Variants in CNTN4 observed in about 807,000 individuals in gnomAD.
CNTN4 encodes the protein contactin 4, also known as contactin-4.
In CNTN4, 77 loss-of-function variants were observed where a neutral mutation model predicts 122.5. That is an observed-to-expected ratio of 0.63 (90% CI 0.52 to 0.76). CNTN4 has a LOEUF of 0.76. CNTN4 is among the 30% of genes least tolerant of loss of function. The pLI is 0.00. For missense variants in CNTN4, 1,256 were observed against 1,259.1 expected (o/e 1.00, Z 0.04); for synonymous variants, 512 against 447.0 (o/e 1.15, Z -1.83).
chr3:2,989,653 G>T (rs116541411), intron 14 of CNTN4, among the ~76,000 whole-genome samples: 251 of 152,262 alleles, frequency 1.6e-3, no homozygotes, highest in African/African-American at 3.9e-3. Flanking sequence ...TATATGTTTA[G>T]ATTGATTACA....
chr3:2,619,645 A>G (rs1270713917), intron 4 of CNTN4, among the ~76,000 whole-genome samples: 2 of 152,230 alleles, frequency 1.3e-5, no homozygotes, highest in Non-Finnish European at 2.9e-5. Flanking sequence ...ACTTAGTTCT[A>G]GGATATCACA....
chr3:2,868,710 T>G (rs188346390), intron 8 of CNTN4, among the ~76,000 whole-genome samples: 1 of 152,298 alleles, frequency 6.6e-6, no homozygotes, highest in Admixed American at 6.5e-5. Context: ...CTATGCTGAG[T>G]GCTGGTGAAC....
rs567334096 is a variant in CNTN4 at position 2,830,910 on chromosome 3, T to C, written c.454+11329T>C. Among the ~76,000 whole-genome samples, 4 of 152,314 alleles carry C rather than the reference T, an allele frequency of 2.6e-5. 1 individual carries two copies. The highest frequency in any genetic ancestry group is 9.6e-5 in the African/African-American group (4 of 41,570). On this transcript the variant is annotated intron_variant, in intron 7 of 24. Coordinates refer to ENST00000418658, the MANE Select transcript of CNTN4 (RefSeq NM_175607.3). ...GTACATAGAATAAGGAAATGCTGAC[T>C]GAGTCCTGGAAATTTGGAAATAGAC...
In CNTN4 at chr3:3,041,354, G is replaced by C. The variant is rs564955082; in HGVS notation, c.2399-956G>C. ...TTTACAATTATTCAAACAAGCTTCA[G>C]CCCTTTTCATAGCCTTCAACTTCTC... is the stretch of plus-strand genomic sequence containing the variant. On this transcript the variant is annotated intron_variant, in intron 20 of 24. Coordinates refer to ENST00000418658, the MANE Select transcript of CNTN4 (RefSeq NM_175607.3). Among the ~76,000 whole-genome samples the C allele has an allele frequency of 4.7e-4, 72 of 152,278 alleles. No homozygotes were observed. The South Asian group carries it at 0.013, about 27-fold the overall frequency.
intron 3 of CNTN4, among the ~76,000 whole-genome samples, chr3:2,418,518 T>A (rs2047500363): frequency 6.6e-6 from 1 of 152,200 alleles, no homozygotes. Context: ...GTAGCAAATG[T>A]TTACTTTTGA....
rs528933483 is a variant in CNTN4, at chr3:2,594,260, A to T, written c.55+22702A>T. 2.0e-5 allele frequency among the ~76,000 whole-genome samples: 3 copies of T among 152,198 alleles called. No individual in the cohort carries two copies. The South Asian group carries it at 6.2e-4, about 32-fold the overall frequency. On this transcript the variant is annotated intron_variant, in intron 4 of 24. Transcript: ENST00000418658. ...TTTTTGACAATTTGAAATGTTACTG[A>T]TTAAGATCCCTTGAGGCCAATTCTA...
At chr3:2,436,608 T>C (rs1026086751) in intron 3 of CNTN4, among the ~76,000 whole-genome samples, 1 of 151,976 alleles carries the variant, frequency 6.6e-6, no homozygotes, top group Admixed American at 6.6e-5. Flanking sequence ...AGGAATCCTT[T>C]GTGATTTTAA....
intron 2 of CNTN4, among the ~76,000 whole-genome samples, chr3:2,164,858 A>AAAAC (rs1559302078): frequency 1.3e-5 from 2 of 152,216 alleles, no homozygotes; most frequent in African/African-American, 4.8e-5. Flanking sequence ...ACTGTTTAAA[A>AAAAC]AAAACAAAAC....
rs967509813 is a variant in CNTN4 at position 2,567,164 on chromosome 3, G to A, written c.-88-4252G>A. On this transcript the variant is annotated intron_variant, in intron 3 of 24. Coordinates refer to ENST00000418658, the MANE Select transcript of CNTN4 (RefSeq NM_175607.3). ...CAGTGATGCACGATCTCGGCTCACT[G>A]CAACCTCCGCCTCCTGGGTTCAAGC... 2.7e-5 allele frequency among the ~76,000 whole-genome samples: 4 copies of A among 147,206 alleles called. No individual in the cohort carries two copies. The South Asian group carries it at 8.6e-4, about 32-fold the overall frequency.
At chr3:2,360,509 A>G (rs2045085688) in intron 3 of CNTN4, among the ~76,000 whole-genome samples, 1 of 152,172 alleles carries the variant, frequency 6.6e-6, no homozygotes, top group African/African-American at 2.4e-5. Context: ...AACTGGCTGT[A>G]TTAGTCCATT....
intron 11 of CNTN4, among the ~76,000 whole-genome samples, chr3:2,901,053 A>T (rs538688627): frequency 6.6e-6 from 1 of 152,336 alleles, no homozygotes; most frequent in African/African-American, 2.4e-5. Context: ...TCAAAGATTA[A>T]CATATGTGAC....
intron 6 of CNTN4, among the ~76,000 whole-genome samples, chr3:2,759,483 T>A (rs2090489021): frequency 6.6e-6 from 1 of 152,230 alleles, no homozygotes; most frequent in African/African-American, 2.4e-5. Flanking sequence ...GAATATGCAG[T>A]TATATGGATG....
intron 3 of CNTN4, among the ~76,000 whole-genome samples, chr3:2,382,220 A>T (rs1575508873): frequency 6.8e-6 from 1 of 147,052 alleles, no homozygotes; most frequent in South Asian, 2.1e-4. Flanking sequence ...CCCAGGCTGG[A>T]GTGCAGTGGC....
At chr3:2,917,781 G>C (rs1465045256) in intron 12 of CNTN4, among the ~76,000 whole-genome samples, 1 of 152,088 alleles carries the variant, frequency 6.6e-6, no homozygotes, top group Non-Finnish European at 1.5e-5. Flanking sequence ...TTGTGTAGAG[G>C]TTGGAAGGAG....
At chr3:2,209,815 T>G (rs2038528807) in intron 2 of CNTN4, among the ~76,000 whole-genome samples, 1 of 152,178 alleles carries the variant, frequency 6.6e-6, no homozygotes, top group African/African-American at 2.4e-5. Context: ...TTTCCTCCTA[T>G]TATGAAACAG....
intron 6 of CNTN4, among the ~76,000 whole-genome samples, chr3:2,811,182 G>A (rs2150140876): frequency 6.6e-6 from 1 of 152,092 alleles, no homozygotes; most frequent in East Asian, 2.0e-4. Flanking sequence ...GGCCGAGGCA[G>A]GCGTATCACT....
chr3:2,820,957 C>CTTTTTTTT (rs1435679583), intron 7 of CNTN4, among the ~76,000 whole-genome samples: 3 of 70,634 alleles, frequency 4.2e-5, no homozygotes, highest in African/African-American at 1.1e-4. Flanking sequence ...AACATTTTCT[C>CTTTTTTTT]TTTCTTTTTT....
intron 7 of CNTN4, among the ~76,000 whole-genome samples, chr3:2,860,000 A>T (rs1016751736): frequency 2.0e-5 from 3 of 152,214 alleles, no homozygotes; most frequent in African/African-American, 7.2e-5. Context: ...ACCTTTTGCC[A>T]TCTTGCTTTT....
At chr3:2,758,535 T>TTTTTTTTTTTTA (rs2090442698) in intron 6 of CNTN4, among the ~76,000 whole-genome samples, 1 of 150,478 alleles carries the variant, frequency 6.6e-6, no homozygotes, top group African/African-American at 2.4e-5. Context: ...TTTTTTTTTT[T>TTTTTTTTTTTTA]GAGACGGAGT....
Sources: allele counts gnomAD v4.1 joint callset (sites outside exome capture counted in the v4.1 genomes callset), GRCh38; gene constraint gnomAD v4.1.1; transcripts MANE v1.5; gene names NCBI Gene and HGNC (gene_info 2026-07-23, HGNC 2026-07-21).